The following SDK2 variants were observed in gnomAD, a reference collection of about 807,000 sequenced individuals.
SDK2 encodes the protein protein sidekick-2.
In SDK2, 105 loss-of-function variants were observed where a neutral mutation model predicts 253.9. That is an observed-to-expected ratio of 0.41 (90% CI 0.35 to 0.49). The LOEUF is 0.49. Among genes scored for constraint, SDK2 ranks in the 20% least tolerant of loss-of-function variants. The pLI, the probability that SDK2 is intolerant of heterozygous loss-of-function variation, is 0.06. For synonymous variants in SDK2, 1,249 were observed against 1,234.9 expected (o/e 1.01, Z -0.24); for missense variants, 2,608 against 3,003.0 (o/e 0.87, Z 3.07).
chr17:73,402,662 G>A lies in SDK2; in HGVS notation c.2485-521C>T, dbSNP rs117592408. The stretch of plus-strand genomic sequence containing the variant: ...TATGCTGTCCAGGCTGGAGTACAGC[G>A]GCATGATCACAGCTCACTGCAGCCT... On this transcript the variant is annotated intron_variant, in intron 18 of 44. Coordinates refer to ENST00000392650, the MANE Select transcript of SDK2 (RefSeq NM_001144952.2). Among the ~76,000 whole-genome samples the A allele has an allele frequency of 8.7e-3, 1,321 of 152,186 alleles. 7 individuals are homozygous for A. Among genetic ancestry groups the A allele is most frequent in the Non-Finnish European group, 0.013 (908 of 68,008 alleles).
chr17:73,582,169 G>A (rs1246060212), intron 1 of SDK2, among the ~76,000 whole-genome samples: 1 of 152,100 alleles, frequency 6.6e-6, no homozygotes, highest in Non-Finnish European at 1.5e-5. Context: ...CGCTCACCAC[G>A]CAGGCATCAG....
At chr17:73,559,287 T>A (rs985989292) in intron 1 of SDK2, among the ~76,000 whole-genome samples, 7 of 152,098 alleles carry the variant, frequency 4.6e-5, no homozygotes, top group African/African-American at 1.7e-4. Flanking sequence ...GAGCCTTGGG[T>A]TTCCTCGCTG....
chr17:73,590,956 G>C (rs1321042639), intron 1 of SDK2, among the ~76,000 whole-genome samples: 1 of 152,182 alleles, frequency 6.6e-6, no homozygotes. Context: ...TTTCGCTCTT[G>C]TTGCCCAGGC....
chr17:73,375,654 G>A (rs148743871), intron 36 of SDK2, among the ~76,000 whole-genome samples: 56 of 152,216 alleles, frequency 3.7e-4, no homozygotes, highest in African/African-American at 1.3e-3. Flanking sequence ...TCAGGAGCTC[G>A]AGACAAGCTT....
intron 18 of SDK2, among the ~76,000 whole-genome samples, chr17:73,405,807 C>T (rs1411204823): frequency 6.6e-6 from 1 of 151,370 alleles, no homozygotes; most frequent in African/African-American, 2.4e-5. Flanking sequence ...GCAAGCTCCG[C>T]CTCTCGGGTT....
At chr17:73,394,162 G>T in intron 26 of SDK2, 47 bp downstream of exon 26, 1 of 1,195,806 alleles carries the variant, frequency 8.4e-7, no homozygotes, top group Non-Finnish European at 1.2e-6. Flanking sequence ...TGGAGAGGCT[G>T]GAGGGGCCAG....
intron 1 of SDK2, among the ~76,000 whole-genome samples, chr17:73,540,704 TG>T (rs1393100689): frequency 1.3e-5 from 2 of 152,202 alleles, no homozygotes; most frequent in Non-Finnish European, 2.9e-5. Flanking sequence ...ATGAGGAAAC[TG>T]AGGCTAGCTA....
rs776871358 is a variant in SDK2 at position 73,368,359 on chromosome 17, C to T, written c.5167+48G>A. 3.6e-6 allele frequency: 5 copies of T among 1,376,820 alleles called. 1 individual carries two copies. The South Asian group carries it at 4.9e-5, about 13-fold the overall frequency. 85.3% of individuals were successfully genotyped at this position (1,376,820 alleles called of 1,614,324 possible). A position where few individuals can be genotyped will look rare whatever the true frequency, so the allele number is the denominator to read the frequency against. On this transcript the variant is annotated intron_variant, in intron 37 of 44. Coordinates refer to ENST00000392650, the MANE Select transcript of SDK2 (RefSeq NM_001144952.2). ...GATGCCAGGTAGGTCCTCTTGCAAC[C>T]CCCCGTGGCCGACCTACCCCTCCCC...
chr17:73,423,043 T>TA lies in SDK2; in HGVS notation c.1897+342dup, dbSNP rs1555766929. On this transcript the variant is annotated intron_variant, in intron 14 of 44. Coordinates refer to ENST00000392650, the MANE Select transcript of SDK2 (RefSeq NM_001144952.2). The stretch of plus-strand genomic sequence containing the variant: ...TCTCAAAAATGAATAAATAAATAAA[T>TA]AATAAATAAATAAAATGCAATGCGA... 3.8e-3 allele frequency among the ~76,000 whole-genome samples: 404 copies of TA among 105,314 alleles called. 3 individuals carry two copies. The highest frequency in any genetic ancestry group is 0.015 in the African/African-American group (382 of 25,066). 69.1% of individuals were successfully genotyped at this position (105,314 alleles called of 152,430 possible). A position where few individuals can be genotyped will look rare whatever the true frequency, so the allele number is the denominator to read the frequency against.
chr17:73,510,274 C>T (rs898611324), intron 1 of SDK2, among the ~76,000 whole-genome samples: 2 of 152,168 alleles, frequency 1.3e-5, no homozygotes, highest in Admixed American at 6.5e-5. Flanking sequence ...TGCTGCACAG[C>T]ACCCCCAAAC....
intron 2 of SDK2, among the ~76,000 whole-genome samples, chr17:73,488,631 C>G (rs1404296405): frequency 1.3e-5 from 2 of 150,986 alleles, no homozygotes; most frequent in African/African-American, 4.9e-5. Context: ...AACCTTCCTT[C>G]TACCACTTAA....
chr17:73,487,219 C>T (rs2063775035), intron 2 of SDK2, among the ~76,000 whole-genome samples: 1 of 152,216 alleles, frequency 6.6e-6, no homozygotes, highest in African/African-American at 2.4e-5. Flanking sequence ...CAAGTGTGAG[C>T]CACTGTGCCC....
At chr17:73,366,107 C>T (rs912193755) in intron 37 of SDK2, among the ~76,000 whole-genome samples, 1 of 152,174 alleles carries the variant, frequency 6.6e-6, no homozygotes, top group African/African-American at 2.4e-5. Context: ...TATTGTCCGG[C>T]GCTGCCTCCC....
intron 1 of SDK2, among the ~76,000 whole-genome samples, chr17:73,631,467 T>C (rs1244775610): frequency 2.0e-5 from 3 of 152,222 alleles, no homozygotes; most frequent in Non-Finnish European, 4.4e-5. Context: ...CCCTCTTCCA[T>C]TCTGGGTTCT....
rs368284723 is a variant in SDK2 at position 73,569,873 on chromosome 17, T to C, written c.65-62276A>G. 3.9e-5 allele frequency among the ~76,000 whole-genome samples: 6 copies of C among 152,110 alleles called. No homozygotes were observed. The East Asian group carries it at 5.8e-4, about 15-fold the overall frequency. ...CTTCCTTCCTTGTCTTTTCCTGATC[T>C]CTAGGAGCTACACGGCTGTCACCAC... On this transcript the variant is annotated intron_variant, in intron 1 of 44. Transcript: ENST00000392650.
At chr17:73,404,331 G>C (rs576550506) in intron 18 of SDK2, among the ~76,000 whole-genome samples, 6 of 152,264 alleles carry the variant, frequency 3.9e-5, no homozygotes, top group African/African-American at 1.4e-4. Flanking sequence ...CCTGCCTCAG[G>C]TCCAGGGAGA....
rs2046060594 is a variant in SDK2 at position 73,616,558 on chromosome 17, A to G, written c.64+27467T>C. The stretch of plus-strand genomic sequence containing the variant: ...CCTGGCTGAATTACCACGTGGCAGC[A>G]GATCCTTTTTCTGGAGTAATGGAAT... On this transcript the variant is annotated intron_variant, in intron 1 of 44. Coordinates refer to ENST00000392650, the MANE Select transcript of SDK2 (RefSeq NM_001144952.2). This position sits in a 1 kb window ranked among gnomAD's most constrained non-coding sequence, Gnocchi z 5.2. Among the ~76,000 whole-genome samples the G allele has an allele frequency of 6.6e-6, 1 of 152,220 alleles. No homozygotes were observed. Among genetic ancestry groups the G allele is most frequent in the African/African-American group, 2.4e-5 (1 of 41,462 alleles).
At position 73,393,464 on chromosome 17, in the gene SDK2, G is replaced by A. The variant is rs1485591045; in HGVS notation, c.3898+96C>T. 3.4e-6 allele frequency: 4 copies of A among 1,175,194 alleles called. No homozygotes were observed. The East Asian group carries it at 1.1e-4, about 31-fold the overall frequency. 72.8% of individuals were successfully genotyped at this position (1,175,194 alleles called of 1,614,324 possible). ...GGCATCTGAGGCCATGGCTCCCTGT[G>A]GGGCAGAGCCTGACCCCAGAAGGGC... On this transcript the variant is annotated intron_variant, in intron 27 of 44. Transcript: ENST00000392650.
At chr17:73,377,222 CTTTTTTTTTTT>C (rs1193747847) in intron 36 of SDK2, among the ~76,000 whole-genome samples, 1 of 134,006 alleles carries the variant, frequency 7.5e-6, no homozygotes, top group African/African-American at 2.8e-5. Flanking sequence ...TTTTTTTTTT[CTTTTTTTTTTT>C]TTGGAGACAG....
Sources: allele counts gnomAD v4.1 joint callset (sites outside exome capture counted in the v4.1 genomes callset), GRCh38; gene constraint gnomAD v4.1.1; non-coding constraint Gnocchi (gnomAD v3.1); transcripts MANE v1.5; gene names NCBI Gene and HGNC (gene_info 2026-07-23, HGNC 2026-07-21).